The following TEX11 variants were observed in gnomAD, a reference collection of about 807,000 sequenced individuals.
TEX11 encodes the protein testis-expressed protein 11.
A neutral mutation model predicts 84.4 loss-of-function variants in TEX11; 7 were observed. The ratio of observed to expected loss-of-function variants is 0.08; its 90% CI spans 0.05 to 0.16. The LOEUF is 0.16. TEX11 is among the 10% of genes least tolerant of loss of function. The pLI is 1.00. For missense variants in TEX11, 551 were observed against 660.5 expected (o/e 0.83, Z 1.82); for synonymous variants, 264 against 222.8 (o/e 1.18, Z -1.64).
chrX:70,610,451 A>C (rs901704475), intron 21 of TEX11, 52 bp downstream of exon 21: 143 of 1,118,148 alleles, frequency 1.3e-4, no homozygotes, highest in Non-Finnish European at 1.7e-4. Flanking sequence ...GGAGAATTCA[A>C]CAGAGAATAG....
intron 9 of TEX11, among the ~76,000 whole-genome samples, chrX:70,761,370 T>G (rs897770055): frequency 8.9e-6 from 1 of 111,950 alleles, no homozygotes; most frequent in Admixed American, 9.5e-5. Context: ...CAAATGTCCA[T>G]CAATGATAGA....
chrX:70,898,061 A>G lies in TEX11; in HGVS notation c.37+9692T>C, dbSNP rs375788249. 6.3e-5 allele frequency among the ~76,000 whole-genome samples: 7 copies of G among 111,537 alleles called. No individual in the cohort carries two copies. The South Asian group carries it at 1.9e-3, about 30-fold the overall frequency. ...TCTCCTTGTAAAATTTAGTTCAACAAACATTTCTTGAATGCCTGGTGTCTT... is the reference window on the plus strand; with the variant it reads ...TCTCCTTGTAAAATTTAGTTCAACAGACATTTCTTGAATGCCTGGTGTCTT... On this transcript the variant is annotated intron_variant, in intron 2 of 29. Coordinates refer to ENST00000374333, the MANE Select transcript of TEX11 (RefSeq NM_031276.3).
chrX:70,795,436 T>A (rs1432390945), intron 9 of TEX11, among the ~76,000 whole-genome samples: 3 of 110,898 alleles, frequency 2.7e-5, no homozygotes. Context: ...GACACAAGCC[T>A]GGCAAGCTTC....
At chrX:70,801,602 TTTCTTTTCC>T (rs926206729) in intron 9 of TEX11, among the ~76,000 whole-genome samples, 1 of 110,805 alleles carries the variant, frequency 9.0e-6, no homozygotes, top group African/African-American at 3.3e-5. Flanking sequence ...CTTTCTTTTC[TTTCTTTTCC>T]TTCTTTTCTT....
intron 11 of TEX11, among the ~76,000 whole-genome samples, chrX:70,731,066 C>T (rs1338743543): frequency 1.8e-5 from 2 of 111,637 alleles, no homozygotes; most frequent in Admixed American, 9.6e-5. Context: ...GGGTACATAA[C>T]AAAATAAAGA....
At chrX:70,649,114 C>A (rs2089782276) in intron 17 of TEX11, among the ~76,000 whole-genome samples, 2 of 111,806 alleles carry the variant, frequency 1.8e-5, no homozygotes, top group South Asian at 7.5e-4. Flanking sequence ...ATCCAGTCTG[C>A]CATTGATGGG....
At chrX:70,656,485 G>A (rs1293874702) in intron 16 of TEX11, among the ~76,000 whole-genome samples, 2 of 111,145 alleles carry the variant, frequency 1.8e-5, no homozygotes, top group Non-Finnish European at 3.8e-5. Context: ...ATGTGGTAGA[G>A]GTAACATTTC....
At chrX:70,894,252 C>A (rs1253541886) in intron 2 of TEX11, among the ~76,000 whole-genome samples, 1 of 111,191 alleles carries the variant, frequency 9.0e-6, no homozygotes, top group Non-Finnish European at 1.9e-5. Flanking sequence ...ATACCAAAAC[C>A]TGGCAGAGAC....
chrX:70,607,272 A>T (rs975080877), intron 22 of TEX11, among the ~76,000 whole-genome samples: 3 of 111,555 alleles, frequency 2.7e-5, no homozygotes, highest in East Asian at 5.6e-4. Context: ...TGAATTTTTT[A>T]AAATTGGGGA....
At chrX:70,891,412 G>A (rs374437134) in intron 2 of TEX11, among the ~76,000 whole-genome samples, 30 of 111,174 alleles carry the variant, frequency 2.7e-4, no homozygotes, top group African/African-American at 9.5e-4. Context: ...GACTTCAAAA[G>A]GTCAGTAATA....
At chrX:70,870,282 G>A (rs1203291568) in intron 4 of TEX11, among the ~76,000 whole-genome samples, 3 of 111,419 alleles carry the variant, frequency 2.7e-5, no homozygotes, top group East Asian at 2.8e-4. Context: ...AACATGGTAC[G>A]AGAACCCTAT....
intron 27 of TEX11, among the ~76,000 whole-genome samples, chrX:70,552,586 G>A (rs2088230693): frequency 9.0e-6 from 1 of 111,248 alleles, no homozygotes; most frequent in Admixed American, 9.6e-5. Context: ...GGGAACTGGG[G>A]TTTAAAGTGG....
chrX:70,877,363 TA>T, intron 3 of TEX11, among the ~76,000 whole-genome samples: 1 of 109,634 alleles, frequency 9.1e-6, no homozygotes, highest in East Asian at 2.9e-4. Context: ...CTACTATCAA[TA>T]AAAAAACAGA....
intron 2 of TEX11, among the ~76,000 whole-genome samples, chrX:70,885,904 AG>A (rs1405315532): frequency 8.3e-4 from 89 of 107,512 alleles, no homozygotes; most frequent in African/African-American, 2.9e-3. Flanking sequence ...AAAAAAAAAA[AG>A]AAAAAGAAAG....
At chrX:70,673,757 A>G (rs2090044724) in intron 15 of TEX11, among the ~76,000 whole-genome samples, 1 of 111,503 alleles carries the variant, frequency 9.0e-6, no homozygotes. Flanking sequence ...TTGGTTTTCC[A>G]TTCTGTTCCA....
chrX:70,866,266 C>T (rs758599890), intron 4 of TEX11, among the ~76,000 whole-genome samples: 1 of 111,044 alleles, frequency 9.0e-6, no homozygotes. Flanking sequence ...AACACCTATA[C>T]ACAAATAAAC....
At chrX:70,869,135 A>C (rs947095004) in intron 4 of TEX11, among the ~76,000 whole-genome samples, 13 of 109,338 alleles carry the variant, frequency 1.2e-4, no homozygotes, top group Non-Finnish European at 2.3e-4. Context: ...AATAAAGAAA[A>C]GAAAAAGAAA....
chrX:70,891,313 G>A (rs1346077274), intron 2 of TEX11, among the ~76,000 whole-genome samples: 4 of 111,614 alleles, frequency 3.6e-5, no homozygotes, highest in African/African-American at 9.8e-5. Context: ...AAAAACCAGA[G>A]TGCCTCTCCT....
intron 17 of TEX11, among the ~76,000 whole-genome samples, chrX:70,641,963 T>C (rs5980989): frequency 0.19 from 20,602 of 109,823 alleles, 1,555 homozygotes; most frequent in Non-Finnish European, 0.2. Flanking sequence ...GCCTTCAAAA[T>C]ATTAATGAAT....
Sources: allele counts gnomAD v4.1 joint callset (sites outside exome capture counted in the v4.1 genomes callset), GRCh38; gene constraint gnomAD v4.1.1; transcripts MANE v1.5; gene names NCBI Gene and HGNC (gene_info 2026-07-23, HGNC 2026-07-21).